AMBRA1: variants seen among roughly 807,000 people sequenced by gnomAD.
AMBRA1 encodes the protein activating molecule in BECN1-regulated autophagy protein 1.
In AMBRA1, 47 loss-of-function variants were observed where a neutral mutation model predicts 125.4. That is an observed-to-expected ratio of 0.37 (90% CI 0.30 to 0.48). The LOEUF is 0.48. Ranked by LOEUF, AMBRA1 falls within the 20% of genes least tolerant of loss-of-function variation. AMBRA1 has a pLI of 0.99. For synonymous variants in AMBRA1, 626 were observed against 655.5 expected (o/e 0.95, Z 0.69); for missense variants, 1,331 against 1,693.4 (o/e 0.79, Z 3.76).
chr11:46,470,847 C>T (rs1209897784), intron 11 of AMBRA1, among the ~76,000 whole-genome samples: 4 of 152,170 alleles, frequency 2.6e-5, no homozygotes, highest in African/African-American at 9.7e-5. Context: ...ATTTGAGTAT[C>T]TACTACATGC....
chr11:46,413,993 C>A (rs1056380091), intron 15 of AMBRA1, among the ~76,000 whole-genome samples: 1 of 152,178 alleles, frequency 6.6e-6, no homozygotes, highest in Non-Finnish European at 1.5e-5. Flanking sequence ...TTCCAGTGGG[C>A]TTCCACCTCA....
chr11:46,443,806 T>C (rs532014203), intron 11 of AMBRA1, among the ~76,000 whole-genome samples: 2 of 152,334 alleles, frequency 1.3e-5, no homozygotes, highest in African/African-American at 4.8e-5. Flanking sequence ...TGTGGAAATA[T>C]AATCCCATTC....
chr11:46,437,137 C>A (rs1238755035), intron 12 of AMBRA1, among the ~76,000 whole-genome samples: 1 of 152,160 alleles, frequency 6.6e-6, no homozygotes, highest in Non-Finnish European at 1.5e-5. Flanking sequence ...TAACTGCTTA[C>A]GGAGACAAGG....
chr11:46,518,056 A>T, intron 7 of AMBRA1: 1 of 934,118 alleles, frequency 1.1e-6, no homozygotes, highest in Non-Finnish European at 1.3e-6. Context: ...ATTATTTCAA[A>T]ATGAAAAACA....
chr11:46,579,488 A>AT (rs1249165357), intron 1 of AMBRA1, among the ~76,000 whole-genome samples: 3 of 152,194 alleles, frequency 2.0e-5, no homozygotes, highest in Non-Finnish European at 4.4e-5. Context: ...AAGTAAGTAC[A>AT]TAAAAAGTAG....
chr11:46,412,700 C>A (rs1401916365), intron 15 of AMBRA1, among the ~76,000 whole-genome samples: 1 of 152,130 alleles, frequency 6.6e-6, no homozygotes, highest in Non-Finnish European at 1.5e-5. Flanking sequence ...AACTGTTTAT[C>A]CTTCCTCTTC....
chr11:46,579,495 G>A (rs1188690848), intron 1 of AMBRA1, among the ~76,000 whole-genome samples: 1 of 152,096 alleles, frequency 6.6e-6, no homozygotes, highest in African/African-American at 2.4e-5. Flanking sequence ...TACATAAAAA[G>A]TAGATAAACC....
At chr11:46,583,652 C>CAAAAAAAAAAAA (rs1398623719) in intron 1 of AMBRA1, among the ~76,000 whole-genome samples, 193 of 12,468 alleles carry the variant, frequency 0.015, 26 homozygotes, top group East Asian at 0.027. Context: ...AACAAATTTC[C>CAAAAAAAAAAAA]AAAAAAAAAA....
At chr11:46,528,361 G>GCC (rs1952071818) in intron 7 of AMBRA1, among the ~76,000 whole-genome samples, 3 of 152,150 alleles carry the variant, frequency 2.0e-5, no homozygotes, top group African/African-American at 7.2e-5. Context: ...AGTACAAATG[G>GCC]AGTTTCACCA....
chr11:46,507,966 G>A (rs1951119502), intron 9 of AMBRA1, among the ~76,000 whole-genome samples: 1 of 152,246 alleles, frequency 6.6e-6, no homozygotes, highest in Non-Finnish European at 1.5e-5. Context: ...GGCCCAATGG[G>A]AGGTCTCTGT....
chr11:46,493,467 G>A, intron 11 of AMBRA1, 141 bp downstream of exon 11: 1 of 648,582 alleles, frequency 1.5e-6, no homozygotes, highest in African/African-American at 1.9e-5. Flanking sequence ...GTAAGGAACT[G>A]AATATCAAAC....
chr11:46,471,297 G>A (rs1230652417), intron 11 of AMBRA1, among the ~76,000 whole-genome samples: 3 of 151,768 alleles, frequency 2.0e-5, no homozygotes, highest in Non-Finnish European at 4.4e-5. Flanking sequence ...ATAAAAATTC[G>A]TCTGGGCACG....
rs528658167 is a variant in AMBRA1, at chr11:46,470,422, T to C, written c.2521+23186A>G. On this transcript the variant is annotated intron_variant, in intron 11 of 17. Transcript: ENST00000683756. ...GGCTAACACGGTGAAACCCTATCTC[T>C]ACTAAAAATACAAAAAATTAGCCGG... is the stretch of plus-strand genomic sequence containing the variant. 9.9e-5 allele frequency among the ~76,000 whole-genome samples: 15 copies of C among 152,016 alleles called. 1 individual carries two copies. The South Asian group carries it at 2.5e-3, about 25-fold the overall frequency.
At chr11:46,488,620 T>C (rs1215599097) in intron 11 of AMBRA1, among the ~76,000 whole-genome samples, 1 of 152,112 alleles carries the variant, frequency 6.6e-6, no homozygotes. Context: ...AACCGACATC[T>C]ACAGGACACT....
chr11:46,408,315 A>G (rs1204913470), intron 17 of AMBRA1, among the ~76,000 whole-genome samples, 198 bp downstream of exon 17: 1 of 152,196 alleles, frequency 6.6e-6, no homozygotes, highest in East Asian at 1.9e-4. Context: ...GAGGGACATC[A>G]GTGTACTTGG....
chr11:46,428,658 G>A, intron 14 of AMBRA1: 1 of 1,595,110 alleles, frequency 6.3e-7, no homozygotes, highest in South Asian at 1.1e-5. Flanking sequence ...CAATTTTACT[G>A]AGGTGGCTGA....
intron 14 of AMBRA1, among the ~76,000 whole-genome samples, chr11:46,425,577 C>T (rs1278329925): frequency 2.0e-5 from 3 of 152,100 alleles, no homozygotes; most frequent in Non-Finnish European, 4.4e-5. Context: ...CGCGGTAGCT[C>T]ACGCCTGTAA....
intron 11 of AMBRA1, among the ~76,000 whole-genome samples, chr11:46,489,586 C>A (rs1394016467): frequency 1.3e-5 from 2 of 152,344 alleles, no homozygotes; most frequent in Non-Finnish European, 2.9e-5. Context: ...CCTGACACTT[C>A]CCATTGATTT....
At chr11:46,483,614 A>C (rs1950158187) in intron 11 of AMBRA1, among the ~76,000 whole-genome samples, 1 of 152,076 alleles carries the variant, frequency 6.6e-6, no homozygotes. Flanking sequence ...AAAAAGGAGG[A>C]GGCTGGCAGG....
Sources: gnomAD v4.1 joint callset for allele counts (sites outside exome capture counted in the v4.1 genomes callset) on GRCh38, gnomAD v4.1.1 for gene constraint, MANE v1.5 for transcripts, NCBI Gene and HGNC (gene_info 2026-07-23, HGNC 2026-07-21) for gene names.